The following TCF12 variants were observed in gnomAD, a reference collection of about 807,000 sequenced individuals.
The protein encoded by TCF12 is DNA-binding protein HTF4.
In TCF12, 45 loss-of-function variants were observed where a neutral mutation model predicts 86.0. That is an observed-to-expected ratio of 0.52 (90% CI 0.41 to 0.67). The LOEUF (loss-of-function observed/expected upper bound fraction) is 0.67. TCF12 is among the 30% of genes least tolerant of loss of function. The pLI is 0.00. For missense variants in TCF12, 881 were observed against 859.9 expected, an observed-to-expected ratio of 1.02 and a Z score of -0.31; for synonymous variants, 330 against 299.6, an observed-to-expected ratio of 1.10 and a Z score of -1.05.
chr15:57,109,081 A>C (rs1195703372), intron 5 of TCF12, among the ~76,000 whole-genome samples: 1 of 152,218 alleles, frequency 6.6e-6, no homozygotes, highest in African/African-American at 2.4e-5. Context: ...CCTCTTGCTT[A>C]AAAAGAGGTT....
chr15:56,918,103 A>T (rs1205148181), upstream of TCF12: 1 of 423,702 alleles, frequency 2.4e-6, no homozygotes, highest in East Asian at 7.5e-5. Context: ...ACGGCCGAGG[A>T]GGATGGGTCT....
At chr15:57,270,013 G>A (rs987526331) in intron 18 of TCF12, among the ~76,000 whole-genome samples, 2 of 152,102 alleles carry the variant, frequency 1.3e-5, no homozygotes, top group African/African-American at 2.4e-5. Flanking sequence ...TTCAACCTTG[G>A]TGAATCTGAC....
intron 4 of TCF12, among the ~76,000 whole-genome samples, chr15:57,064,592 C>G (rs1438808306): frequency 6.6e-6 from 1 of 151,774 alleles, no homozygotes; most frequent in East Asian, 1.9e-4. Context: ...GTCAGAAGTT[C>G]GAGTCCAGCC....
At chr15:57,235,126 T>C (rs1597506750) in intron 12 of TCF12, among the ~76,000 whole-genome samples, 1 of 152,366 alleles carries the variant, frequency 6.6e-6, no homozygotes, top group East Asian at 1.9e-4. Context: ...ATAGTAGAGA[T>C]GGAGCACACA....
intron 4 of TCF12, among the ~76,000 whole-genome samples, chr15:57,070,393 G>T (rs2069268266): frequency 6.6e-6 from 1 of 152,142 alleles, no homozygotes; most frequent in Non-Finnish European, 1.5e-5. Flanking sequence ...ATGAAAATAT[G>T]TGGGTACAAG....
At chr15:57,199,969 C>G (rs1216660194) in intron 8 of TCF12, among the ~76,000 whole-genome samples, 2 of 151,780 alleles carry the variant, frequency 1.3e-5, no homozygotes, top group African/African-American at 4.8e-5. Flanking sequence ...ACAGCCTTAA[C>G]CTCCTTGGCT....
chr15:57,251,305 T>C, intron 13 of TCF12, 45 bp from the exon 14 acceptor site: 2 of 1,497,410 alleles, frequency 1.3e-6, no homozygotes, highest in Non-Finnish European at 1.9e-6. Context: ...ATTATCAAGA[T>C]CACTGAGTTA....
At position 56,957,993 on chromosome 15, in the gene TCF12, A is replaced by G. The variant is rs764487086; in HGVS notation, c.148+36895A>G. Among the ~76,000 whole-genome samples, 13 of 152,268 alleles carry G rather than the reference A, an allele frequency of 8.5e-5. No individual in the cohort carries two copies. The South Asian group carries it at 1.2e-3, about 15-fold the overall frequency. On this transcript the variant is annotated intron_variant, in intron 3 of 20. Coordinates refer to ENST00000333725, the MANE Select transcript of TCF12 (RefSeq NM_207037.2). ...TGCCCCGGGATTCCTGAAATTTTCC[A>G]GTCTGGATGTTGAGAATAGGCACTA...
chr15:57,102,043 C>A (rs568580877), intron 5 of TCF12, among the ~76,000 whole-genome samples: 1 of 149,296 alleles, frequency 6.7e-6, no homozygotes, highest in South Asian at 2.1e-4. Flanking sequence ...TATATAGCTA[C>A]TTAAACATGT....
Position 57,273,941 on chromosome 15 carries a change from G to C in TCF12, c.1978+679G>C, listed in dbSNP as rs549045864. On this transcript the variant is annotated intron_variant, in intron 19 of 20. Coordinates refer to ENST00000333725, the MANE Select transcript of TCF12 (RefSeq NM_207037.2). ...TTCATTTGTTCAACATGTATTTATT[G>C]CATACCTCCTCTGTTCCAACCAGCT... Among the ~76,000 whole-genome samples the C allele has an allele frequency of 3.3e-5, 5 of 152,282 alleles. No individual in the cohort carries two copies. The East Asian group carries it at 7.7e-4, about 23-fold the overall frequency.
intron 5 of TCF12, among the ~76,000 whole-genome samples, chr15:57,145,359 A>G (rs1312805245): frequency 1.3e-5 from 2 of 152,170 alleles, no homozygotes; most frequent in African/African-American, 2.4e-5. Flanking sequence ...AATTTAGTTG[A>G]CCTCAATGAT....
chr15:57,133,628 T>G (rs1468780716), intron 5 of TCF12, among the ~76,000 whole-genome samples: 1 of 151,534 alleles, frequency 6.6e-6, no homozygotes, highest in Non-Finnish European at 1.5e-5. Context: ...TAATGTGTTT[T>G]TTTTTTTTTT....
chr15:57,229,080 A>T (rs1566949393), intron 8 of TCF12, among the ~76,000 whole-genome samples: 2 of 151,980 alleles, frequency 1.3e-5, no homozygotes, highest in East Asian at 1.9e-4. Flanking sequence ...AGGTCTGTGG[A>T]TTTATTCTGT....
At position 56,949,018 on chromosome 15, in the gene TCF12, C is replaced by G. The variant is rs568902855; in HGVS notation, c.148+27920C>G. On this transcript the variant is annotated intron_variant, in intron 3 of 20. Coordinates refer to ENST00000333725, the MANE Select transcript of TCF12 (RefSeq NM_207037.2). ...GTGACTATGCATGAGGGAAAATATC[C>G]AATTTCATGACTTCCAAGAAAGGTC... Among the ~76,000 whole-genome samples the G allele has an allele frequency of 1.6e-3, 240 of 152,236 alleles. 1 individual carries two copies. The highest frequency in any genetic ancestry group is 5.6e-3 in the African/African-American group (231 of 41,542).
chr15:56,948,436 G>A (rs1041695080), intron 3 of TCF12, among the ~76,000 whole-genome samples: 1 of 152,174 alleles, frequency 6.6e-6, no homozygotes, highest in South Asian at 2.1e-4. Flanking sequence ...CATATTTAGG[G>A]AAAAGTTTTC....
intron 3 of TCF12, among the ~76,000 whole-genome samples, chr15:57,042,378 G>A (rs1011120979): frequency 2.0e-5 from 3 of 151,870 alleles, no homozygotes; most frequent in Admixed American, 1.3e-4. Context: ...TAAAGAAATG[G>A]GCATCACTTT....
At chr15:56,959,637 TA>T (rs1334184666) in intron 3 of TCF12, among the ~76,000 whole-genome samples, 2 of 152,242 alleles carry the variant, frequency 1.3e-5, no homozygotes, top group Non-Finnish European at 2.9e-5. Flanking sequence ...TAATCCAATG[TA>T]AATTGAGAAA....
intron 5 of TCF12, among the ~76,000 whole-genome samples, chr15:57,128,109 G>C (rs183489542): frequency 1.3e-5 from 2 of 152,138 alleles, no homozygotes; most frequent in Non-Finnish European, 2.9e-5. Flanking sequence ...TCATTTGGCT[G>C]TCTTCAGTAT....
intron 3 of TCF12, among the ~76,000 whole-genome samples, chr15:56,986,690 A>G (rs527374445): frequency 2.6e-5 from 4 of 152,182 alleles, no homozygotes; most frequent in African/African-American, 9.7e-5. Context: ...GTATATCCTT[A>G]TATACACAGT....
Sources: gnomAD v4.1 joint callset for allele counts (sites outside exome capture counted in the v4.1 genomes callset) on GRCh38, gnomAD v4.1.1 for gene constraint, MANE v1.5 for transcripts, NCBI Gene and HGNC (gene_info 2026-07-23, HGNC 2026-07-21) for gene names.